GRID2: variants seen among roughly 807,000 people sequenced by gnomAD.
GRID2 encodes the protein glutamate ionotropic receptor delta type subunit 2, also known as glutamate receptor ionotropic, delta-2.
Under a neutral mutation model 114.8 loss-of-function variants are expected in GRID2, and 33 were observed. The observed-to-expected ratio is 0.29, with a 90% confidence interval of 0.22 to 0.38. The LOEUF (loss-of-function observed/expected upper bound fraction) is 0.38, where lower values mean the gene tolerates loss of function less well. Ranked by LOEUF, GRID2 falls within the 10% of genes least tolerant of loss-of-function variation. The pLI, the probability that GRID2 is intolerant of heterozygous loss-of-function variation, is 1.00. For missense variants in GRID2, 1,184 were observed against 1,257.7 expected (o/e 0.94, Z 0.89); for synonymous variants, 505 against 449.9 (o/e 1.12, Z -1.55).
chr4:92,518,098 T>A (rs1407528535), intron 1 of GRID2, among the ~76,000 whole-genome samples: 2 of 151,872 alleles, frequency 1.3e-5, no homozygotes, highest in Non-Finnish European at 2.9e-5. Context: ...TGAGTGTGTC[T>A]GTGCCTCCCA....
At chr4:93,717,409 G>GT (rs11405578) in intron 14 of GRID2, among the ~76,000 whole-genome samples, 46,703 of 148,446 alleles carry the variant, frequency 0.31, 7,588 homozygotes, top group Middle Eastern at 0.47. Context: ...TGTAATAGGT[G>GT]TTTTTTTTTT....
chr4:92,951,981 T>A (rs1289831668), intron 2 of GRID2, among the ~76,000 whole-genome samples: 1 of 152,212 alleles, frequency 6.6e-6, no homozygotes, highest in Non-Finnish European at 1.5e-5. Context: ...GCTTTCCTAA[T>A]ATTTTTATAT....
chr4:92,354,544 C>T (rs1015764826), intron 1 of GRID2, among the ~76,000 whole-genome samples: 1 of 151,742 alleles, frequency 6.6e-6, no homozygotes, highest in Non-Finnish European at 1.5e-5. Flanking sequence ...AATGTTTTAG[C>T]TAATTTTAAA....
chr4:93,261,241 A>C (rs1750221660), intron 8 of GRID2, among the ~76,000 whole-genome samples: 1 of 151,906 alleles, frequency 6.6e-6, no homozygotes, highest in Admixed American at 6.6e-5. Flanking sequence ...TGTTTTTAAC[A>C]AGCAGTATCT....
chr4:92,688,839 A>G (rs1224250274), intron 2 of GRID2, among the ~76,000 whole-genome samples: 1 of 152,202 alleles, frequency 6.6e-6, no homozygotes, highest in Non-Finnish European at 1.5e-5. Flanking sequence ...GAAGGTTTCC[A>G]GTGTATTTTG....
In GRID2 at chr4:93,216,808, C is replaced by T. The variant is rs1218837305; in HGVS notation, c.860C>T (p.Thr287Ile). Residue 287 changes from threonine to isoleucine, a missense_variant, in exon 6 of 16, where the codon ACA (threonine) becomes ATA (isoleucine). Thr to Ile is a moderately conservative substitution (Grantham distance 89). Transcript: ENST00000282020. ...GGAAGGTTAACGATTATTCGGCAGA[C>T]ATTTCCAGTTCCCCAGAACATAAGT... ...SIGRLTIIRQ[T>I]FPVPQNISQR... 1.9e-6 allele frequency: 3 copies of T among 1,611,940 alleles called. No individual in the cohort carries two copies. Among genetic ancestry groups the T allele is most frequent in the Non-Finnish European group, 2.5e-6 (3 of 1,178,212 alleles).
At chr4:92,678,570 C>T (rs935278588) in intron 2 of GRID2, among the ~76,000 whole-genome samples, 5 of 151,566 alleles carry the variant, frequency 3.3e-5, no homozygotes, top group Non-Finnish European at 7.4e-5. Flanking sequence ...GTAGCACCGT[C>T]TATTGCATTT....
At chr4:92,667,964 A>C (rs2149274009) in intron 2 of GRID2, among the ~76,000 whole-genome samples, 1 of 151,928 alleles carries the variant, frequency 6.6e-6, no homozygotes, top group South Asian at 2.1e-4. Flanking sequence ...TTGTATCACC[A>C]GAAATTGAGA....
intron 2 of GRID2, among the ~76,000 whole-genome samples, chr4:92,740,813 C>G (rs1192952311): frequency 6.6e-6 from 1 of 152,068 alleles, no homozygotes; most frequent in Non-Finnish European, 1.5e-5. Context: ...GTGGAGCGAT[C>G]CCGGCTCACT....
At chr4:93,548,892 C>A (rs1341601725) in intron 13 of GRID2, among the ~76,000 whole-genome samples, 2 of 151,964 alleles carry the variant, frequency 1.3e-5, no homozygotes, top group African/African-American at 2.4e-5. Flanking sequence ...TGAATCACAT[C>A]ACCAAAGGAC....
chr4:93,664,024 A>C (rs1395346229), intron 14 of GRID2, among the ~76,000 whole-genome samples: 2 of 152,208 alleles, frequency 1.3e-5, no homozygotes, highest in Non-Finnish European at 2.9e-5. Context: ...ATCAGGACTT[A>C]ATAATGTATA....
chr4:92,391,532 A>G (rs1455282773), intron 1 of GRID2, among the ~76,000 whole-genome samples: 1 of 151,926 alleles, frequency 6.6e-6, no homozygotes, highest in Non-Finnish European at 1.5e-5. Flanking sequence ...TTGAGATTGT[A>G]AAAAAAACCA....
intron 8 of GRID2, among the ~76,000 whole-genome samples, chr4:93,336,625 TC>T (rs1268524565): frequency 6.6e-6 from 1 of 152,142 alleles, no homozygotes; most frequent in Non-Finnish European, 1.5e-5. Context: ...TGACAATTGC[TC>T]CCCAAGGTGA....
chr4:92,800,560 A>G (rs1364605593), intron 2 of GRID2, among the ~76,000 whole-genome samples: 1 of 151,992 alleles, frequency 6.6e-6, no homozygotes, highest in African/African-American at 2.4e-5. Flanking sequence ...GTTCAGAATA[A>G]CAAAATAATG....
chr4:93,306,943 A>T (rs1434219321), intron 8 of GRID2, among the ~76,000 whole-genome samples: 1 of 152,154 alleles, frequency 6.6e-6, no homozygotes, highest in African/African-American at 2.4e-5. Context: ...CACGCCTGTA[A>T]TCCCAACACT....
intron 2 of GRID2, among the ~76,000 whole-genome samples, chr4:92,846,684 C>G (rs1277504070): frequency 6.6e-6 from 1 of 152,066 alleles, no homozygotes; most frequent in Non-Finnish European, 1.5e-5. Flanking sequence ...TTCATAATTC[C>G]CCTTTCTGGG....
intron 2 of GRID2, among the ~76,000 whole-genome samples, chr4:92,609,358 A>G (rs1363946840): frequency 6.6e-6 from 1 of 151,606 alleles, no homozygotes; most frequent in East Asian, 1.9e-4. Context: ...AAAACACAAT[A>G]TCTTGCTCTC....
chr4:93,055,049 A>G lies in GRID2; in HGVS notation c.245-29946A>G, dbSNP rs1578861430. Among the ~76,000 whole-genome samples, 5 of 152,078 alleles carry G rather than the reference A, an allele frequency of 3.3e-5. 1 individual carries two copies. In the South Asian group the frequency reaches 1.0e-3, roughly 31 times the overall value. ...ATCACAATGCCAAGTTATCATCCAC[A>G]TAGTGAAAAACAGATATAACCTTCT... On this transcript the variant is annotated intron_variant, in intron 2 of 15. Coordinates refer to ENST00000282020, the MANE Select transcript of GRID2 (RefSeq NM_001510.4).
chr4:92,486,155 A>C (rs1004782103), intron 1 of GRID2, among the ~76,000 whole-genome samples: 11 of 151,176 alleles, frequency 7.3e-5, no homozygotes, highest in African/African-American at 1.4e-4. Flanking sequence ...ATATAAAAAT[A>C]TAAATAAAAT....
Sources: allele counts gnomAD v4.1 joint callset (sites outside exome capture counted in the v4.1 genomes callset), GRCh38; gene constraint gnomAD v4.1.1; transcripts MANE v1.5; gene names NCBI Gene and HGNC (gene_info 2026-07-23, HGNC 2026-07-21).